Variants in BRAP observed in about 807,000 individuals in gnomAD.
BRAP encodes BRCA1-associated protein.
A neutral mutation model predicts 73.4 loss-of-function variants in BRAP; 42 were observed. The ratio of observed to expected loss-of-function variants is 0.57; its 90% CI spans 0.45 to 0.74. BRAP has a LOEUF of 0.74. BRAP is among the 30% of genes least tolerant of loss of function. The pLI is 0.00. For missense variants in BRAP, 593 were observed against 751.4 expected, an observed-to-expected ratio of 0.79 and a Z score of 2.46; for synonymous variants, 255 against 267.4, an observed-to-expected ratio of 0.95 and a Z score of 0.45.
At chr12:111,650,380 C>T (rs928547754) in intron 10 of BRAP, among the ~76,000 whole-genome samples, 2 of 152,170 alleles carry the variant, frequency 1.3e-5, no homozygotes, top group Admixed American at 1.3e-4. Context: ...ATTATCCTGC[C>T]TCAGCCTCCC....
chr12:111,660,714 A>T lies in BRAP; in HGVS notation c.897-39T>A, dbSNP rs775476342. On this transcript the variant is annotated intron_variant, in intron 6 of 11. Coordinates refer to ENST00000419234, the MANE Select transcript of BRAP (RefSeq NM_006768.5). ...CAAAAGATAATGGTGCAGGTTAAAT[A>T]TAAAAGACAGCTGTTACAGAACCCA... is the stretch of plus-strand genomic sequence containing the variant. The T allele has an allele frequency of 2.6e-6, 4 of 1,559,778 alleles. No homozygotes were observed. In the South Asian group the frequency reaches 4.9e-5, roughly 19 times the overall value.
In BRAP at chr12:111,661,302, A is replaced by T. The variant is rs560890020; in HGVS notation, c.897-627T>A. Among the ~76,000 whole-genome samples the T allele has an allele frequency of 1.1e-4, 16 of 141,096 alleles. No individual in the cohort carries two copies. The South Asian group carries it at 2.9e-3, about 26-fold the overall frequency. 92.6% of individuals were successfully genotyped at this position (141,096 alleles called of 152,430 possible). ...TTGTTTTTTTTTTTTTTTTTGAGAC[A>T]GAGTTTAGCTTTTGTTGCCCAGGCT... On this transcript the variant is annotated intron_variant, in intron 6 of 11. Coordinates refer to ENST00000419234, the MANE Select transcript of BRAP (RefSeq NM_006768.5).
In BRAP at chr12:111,660,668, C is replaced by T; in HGVS notation, c.904G>A (p.Val302Ile). The T allele has an allele frequency of 6.2e-7, 1 of 1,606,392 alleles. No individual in the cohort carries two copies. The highest frequency in any genetic ancestry group is 8.5e-7 in the Non-Finnish European group (1 of 1,176,160). Residue 302 changes from valine (V) to isoleucine (I), a missense_variant, in exon 7 of 12, where the codon GTT becomes ATT. By Grantham distance (29) the Val-to-Ile change is conservative. Coordinates refer to ENST00000419234, the MANE Select transcript of BRAP (RefSeq NM_006768.5). ...LQRWDDTTCP[V>I]CRYCQTPEPV... The stretch of plus-strand genomic sequence containing the variant: ...TCGGGCGTTTGACAGTACCGGCAAA[C>T]AGGACACCTATCCAGGACACCAAAA...
chr12:111,674,863 G>A (rs776767816), intron 4 of BRAP, among the ~76,000 whole-genome samples: 35 of 152,036 alleles, frequency 2.3e-4, no homozygotes, highest in Non-Finnish European at 2.1e-4. Context: ...AGGAGAAAAC[G>A]GACTGCCTGA....
At position 111,685,816 on chromosome 12, in the gene BRAP, GC is replaced by G. The variant is rs959105906; in HGVS notation, c.-25del. On this transcript the variant is annotated 5_prime_UTR_variant, in exon 1 of 12. Transcript: ENST00000419234. ...ATAGGGCAGGCGCTGGCCGGCGCGGGCCCCGGCGGGCTCAGGCGAGGCTGGA... is the reference window on the plus strand; with the variant it reads ...ATAGGGCAGGCGCTGGCCGGCGCGGGCCCGGCGGGCTCAGGCGAGGCTGGA... 2.6e-6 allele frequency: 4 copies of G among 1,517,338 alleles called. No homozygotes were observed. The highest frequency in any genetic ancestry group is 1.4e-5 in the African/African-American group (1 of 69,730). 94.0% of individuals were successfully genotyped at this position (1,517,338 alleles called of 1,614,324 possible).
chr12:111,665,883 C>T lies in BRAP; in HGVS notation c.748-96G>A, dbSNP rs1886920608. ...TGAGACAGGGTCTCGCTCTCTGTCA[C>T]CCACGCTGGAGCCCAGTGGCGCAAT... On this transcript the variant is annotated intron_variant, in intron 5 of 11. Transcript: ENST00000419234. This position sits in a 1 kb window ranked among gnomAD's most constrained non-coding sequence, Gnocchi z 4.3. The T allele has an allele frequency of 1.3e-6, 2 of 1,509,848 alleles. No individual in the cohort carries two copies. The highest frequency in any genetic ancestry group is 1.4e-5 in the African/African-American group (1 of 73,034). The allele number at this position is 1,509,848 out of a possible 1,614,324, so 93.5% of individuals were successfully genotyped here.
At position 111,685,895 on chromosome 12, in the gene BRAP, A is replaced by G; in HGVS notation, c.-103T>C. The stretch of plus-strand genomic sequence containing the variant: ...GGGCCGGCAGCGCCGCCACCACCTC[A>G]ATGCAGTTGCCGCCGCCTCAGCAGC... On this transcript the variant is annotated 5_prime_UTR_variant, in exon 1 of 12. Transcript: ENST00000419234. The G allele has an allele frequency of 1.5e-6, 1 of 685,068 alleles. No individual in the cohort carries two copies. Among genetic ancestry groups the G allele is most frequent in the Non-Finnish European group, 2.1e-6 (1 of 473,332 alleles). The allele number at this position is 685,068 out of a possible 1,614,324, so 42.4% of individuals were successfully genotyped here. A position where few individuals can be genotyped will look rare whatever the true frequency, so the allele number is the denominator to read the frequency against.
chr12:111,679,272 G>A lies in BRAP; in HGVS notation c.512C>T (p.Ala171Val), dbSNP rs774819256. 1 of 1,610,514 alleles carries A rather than the reference G, an allele frequency of 6.2e-7. No individual in the cohort carries two copies. The highest frequency in any genetic ancestry group is 2.2e-5 in the East Asian group (1 of 44,818). Residue 171 changes from alanine to valine, a missense_variant, in exon 4 of 12, where the codon GCA becomes GTA. Transcript: ENST00000419234. ...CTTCATAAGGTCATGACTGGTCATT[G>A]CAGCAGGGACTGTGAGAATACACAG... Reference protein sequence around the residue: ...AMLCILTVPAAMTSHDLMKFV... With the variant: ...AMLCILTVPAVMTSHDLMKFV...
chr12:111,679,625 C>A (rs1370354511), intron 3 of BRAP, among the ~76,000 whole-genome samples: 1 of 151,852 alleles, frequency 6.6e-6, no homozygotes, highest in African/African-American at 2.4e-5. Flanking sequence ...CTCGTAATCC[C>A]AGCACTTTGG....
intron 3 of BRAP, 105 bp from the exon 4 acceptor site, chr12:111,679,445 T>G: frequency 1.3e-6 from 1 of 789,472 alleles, no homozygotes; most frequent in Non-Finnish European, 1.8e-6. Context: ...ATAAAAATTG[T>G]AATATTTCAT....
At chr12:111,668,426 G>A (rs1418203429) in intron 5 of BRAP, among the ~76,000 whole-genome samples, 1 of 151,666 alleles carries the variant, frequency 6.6e-6, no homozygotes, top group Non-Finnish European at 1.5e-5. Context: ...GTGGTGGTTT[G>A]TATTTTAAAA....
intron 3 of BRAP, among the ~76,000 whole-genome samples, chr12:111,680,428 G>C (rs1432327277): frequency 6.6e-6 from 1 of 151,792 alleles, no homozygotes; most frequent in Admixed American, 6.6e-5. Flanking sequence ...CGGGTGCAGT[G>C]ACTCACACCT....
intron 10 of BRAP, among the ~76,000 whole-genome samples, chr12:111,651,965 G>A (rs540206439): frequency 1.3e-5 from 2 of 152,064 alleles, no homozygotes; most frequent in Admixed American, 1.3e-4. Flanking sequence ...GTACTTCTCT[G>A]TCATAAAAAT....
chr12:111,684,406 G>A (rs146114417), intron 1 of BRAP, among the ~76,000 whole-genome samples: 1 of 152,156 alleles, frequency 6.6e-6, no homozygotes, highest in Admixed American at 6.6e-5. Context: ...CAGCTTCAAA[G>A]GTCACGTCCT....
chr12:111,644,175 C>G lies in BRAP; in HGVS notation c.*24G>C, dbSNP rs773362066. The G allele has an allele frequency of 6.3e-7, 1 of 1,597,566 alleles. No homozygotes were observed. The highest frequency in any genetic ancestry group is 2.2e-5 in the East Asian group (1 of 44,790). On this transcript the variant is annotated 3_prime_UTR_variant, in exon 12 of 12. Transcript: ENST00000419234. ...CTCACAGTGTCAGGGAGAACAGTCTCAGGGATGTCTGTTGCTCTGAAGGTC... is the reference window on the plus strand; with the variant it reads ...CTCACAGTGTCAGGGAGAACAGTCTGAGGGATGTCTGTTGCTCTGAAGGTC...
intron 5 of BRAP, among the ~76,000 whole-genome samples, chr12:111,671,044 G>A (rs1033404052): frequency 1.3e-5 from 2 of 151,840 alleles, no homozygotes; most frequent in Admixed American, 1.3e-4. Flanking sequence ...AGGTTATAGT[G>A]AGCCAAGATC....
At chr12:111,664,686 T>A (rs574602270) in intron 6 of BRAP, among the ~76,000 whole-genome samples, 1 of 152,342 alleles carries the variant, frequency 6.6e-6, no homozygotes, top group African/African-American at 2.4e-5. Flanking sequence ...CCCCGCTCTG[T>A]GAAGCTGATA....
chr12:111,652,743 C>T (rs1886376205), intron 10 of BRAP, among the ~76,000 whole-genome samples: 1 of 152,004 alleles, frequency 6.6e-6, no homozygotes, highest in Admixed American at 6.6e-5. Flanking sequence ...TGGCGTCTCG[C>T]TCTGTTGCCC....
intron 5 of BRAP, among the ~76,000 whole-genome samples, chr12:111,667,698 C>CAAAAAAAAAA (rs565349424): frequency 5.2e-4 from 11 of 21,286 alleles, no homozygotes; most frequent in Admixed American, 6.0e-4. Flanking sequence ...AACTCCGTCT[C>CAAAAAAAAAA]AAAAAAAAAA....
Sources: gnomAD v4.1 joint callset for allele counts (sites outside exome capture counted in the v4.1 genomes callset) on GRCh38, gnomAD v4.1.1 for gene constraint, Gnocchi (gnomAD v3.1) non-coding constraint, MANE v1.5 for transcripts, NCBI Gene and HGNC (gene_info 2026-07-23, HGNC 2026-07-21) for gene names.